STRN3: variants seen among roughly 807,000 people sequenced by gnomAD.
The protein encoded by STRN3 is striatin-3.
Under a neutral mutation model 95.6 loss-of-function variants are expected in STRN3, and 29 were observed. The observed-to-expected ratio is 0.30, with a 90% confidence interval of 0.23 to 0.41. The LOEUF is 0.41. Ranked by LOEUF, STRN3 falls within the 10% of genes least tolerant of loss-of-function variation. STRN3 has a pLI of 1.00. For missense variants in STRN3, 890 were observed against 972.1 expected (o/e 0.92, Z 1.12); for synonymous variants, 331 against 357.6 (o/e 0.93, Z 0.84).
At chr14:30,911,447 G>T (rs533555181) in intron 12 of STRN3, among the ~76,000 whole-genome samples, 1 of 151,746 alleles carries the variant, frequency 6.6e-6, no homozygotes, top group African/African-American at 2.4e-5. Flanking sequence ...GACTACAAGC[G>T]CACGCCAACA....
intron 16 of STRN3, among the ~76,000 whole-genome samples, chr14:30,898,978 A>C (rs920616979): frequency 3.3e-5 from 5 of 152,238 alleles, no homozygotes; most frequent in African/African-American, 1.2e-4. Context: ...CCTCATGTGT[A>C]AAATGGGGAT....
At chr14:30,911,451 G>A (rs1415487798) in intron 12 of STRN3, among the ~76,000 whole-genome samples, 3 of 151,830 alleles carry the variant, frequency 2.0e-5, no homozygotes, top group South Asian at 2.1e-4. Flanking sequence ...ACAAGCGCAC[G>A]CCAACATGCC....
At chr14:30,906,837 A>G in intron 14 of STRN3, 40 bp downstream of exon 14, 1 of 1,581,244 alleles carries the variant, frequency 6.3e-7, no homozygotes, top group Non-Finnish European at 8.6e-7. Flanking sequence ...CCAATTTTTT[A>G]AAAAAACTAA....
At chr14:31,023,082 T>C (rs1184655128) in intron 1 of STRN3, among the ~76,000 whole-genome samples, 1 of 152,192 alleles carries the variant, frequency 6.6e-6, no homozygotes, top group Non-Finnish European at 1.5e-5. Flanking sequence ...ATGAATCTAC[T>C]ATGAAATTAC....
At chr14:30,943,922 C>T (rs1007864790) in intron 5 of STRN3, among the ~76,000 whole-genome samples, 9 of 152,006 alleles carry the variant, frequency 5.9e-5, no homozygotes, top group African/African-American at 1.7e-4. Flanking sequence ...TGTTTCCAGT[C>T]ATACCAGATG....
chr14:30,896,380 C>T (rs899578736), intron 16 of STRN3, among the ~76,000 whole-genome samples: 1 of 152,128 alleles, frequency 6.6e-6, no homozygotes, highest in Non-Finnish European at 1.5e-5. Flanking sequence ...CCTGTAGTTC[C>T]AAGCTACTCA....
chr14:30,938,442 T>A (rs550703263), intron 5 of STRN3, among the ~76,000 whole-genome samples: 107 of 152,320 alleles, frequency 7.0e-4, no homozygotes, highest in Non-Finnish European at 1.3e-3. Context: ...GAATTTTTTT[T>A]AAAGATATAT....
At chr14:30,899,446 T>G (rs1042830214) in intron 16 of STRN3, among the ~76,000 whole-genome samples, 5 of 152,234 alleles carry the variant, frequency 3.3e-5, no homozygotes, top group African/African-American at 1.2e-4. Context: ...AAACCAATTT[T>G]GCAAGCCCTG....
intron 8 of STRN3, among the ~76,000 whole-genome samples, chr14:30,927,620 T>A (rs1216974207): frequency 1.4e-5 from 2 of 146,726 alleles, no homozygotes; most frequent in Admixed American, 6.8e-5. Context: ...TTTATTTCTT[T>A]AAAAAAAAAA....
intron 1 of STRN3, among the ~76,000 whole-genome samples, chr14:30,998,246 T>C (rs986642348): frequency 3.3e-5 from 5 of 152,182 alleles, no homozygotes; most frequent in Non-Finnish European, 7.3e-5. Context: ...TAAACAGGTG[T>C]CTCCATGGGC....
At chr14:31,018,181 G>C (rs893684362) in intron 1 of STRN3, among the ~76,000 whole-genome samples, 10 of 150,540 alleles carry the variant, frequency 6.6e-5, no homozygotes, top group African/African-American at 2.5e-4. Flanking sequence ...CATGGGTAAA[G>C]AGTCTCTGTA....
At chr14:30,996,359 T>C (rs1465302479) in intron 1 of STRN3, among the ~76,000 whole-genome samples, 2 of 152,138 alleles carry the variant, frequency 1.3e-5, no homozygotes, top group African/African-American at 2.4e-5. Context: ...TGGTGGTAAA[T>C]TGGGTAGTTT....
intron 8 of STRN3, among the ~76,000 whole-genome samples, chr14:30,922,601 C>T (rs566166795): frequency 1.3e-5 from 2 of 152,200 alleles, no homozygotes; most frequent in South Asian, 4.2e-4. Context: ...ATGAGCCCTC[C>T]CTTTGTTGAT....
intron 1 of STRN3, among the ~76,000 whole-genome samples, chr14:30,963,966 A>ATT (rs1442244724): frequency 6.6e-6 from 1 of 152,170 alleles, no homozygotes; most frequent in African/African-American, 2.4e-5. Context: ...AAAAACAAGA[A>ATT]AAGAGCCAGG....
chr14:31,002,076 G>A (rs1206496929), intron 1 of STRN3, among the ~76,000 whole-genome samples: 1 of 146,806 alleles, frequency 6.8e-6, no homozygotes, highest in Non-Finnish European at 1.5e-5. Flanking sequence ...TGAGGCAGGA[G>A]AATCGCTTGA....
chr14:30,911,053 A>T lies in STRN3; in HGVS notation c.1708T>A (p.Tyr570Asn), dbSNP rs1411818179. ...TCATTTTACTTACCATATGTATCAT[A>T]TGGATCTACACTGGGACTCGGCATA... The part of the protein sequence containing the change: ...WNMPSPSVDP[Y>N]DTYEPNVLAG... Residue 570 changes from tyrosine (Y) to asparagine (N), a missense_variant, in exon 13 of 18, where the codon TAT becomes AAT. Coordinates refer to ENST00000357479, the MANE Select transcript of STRN3 (RefSeq NM_001083893.2). 2 of 1,608,668 alleles carry T rather than the reference A, an allele frequency of 1.2e-6. No individual in the cohort carries two copies. The highest frequency in any genetic ancestry group is 3.4e-5 in the Admixed American group (2 of 59,460).
intron 15 of STRN3, among the ~76,000 whole-genome samples, chr14:30,904,115 C>A (rs1166456777): frequency 4.6e-5 from 7 of 152,214 alleles, no homozygotes; most frequent in African/African-American, 1.4e-4. Context: ...AGTACCCCAA[C>A]TGTAGTCTCT....
At position 31,026,266 on chromosome 14, in the gene STRN3, C is replaced by G; in HGVS notation, c.-81G>C. The G allele has an allele frequency of 7.6e-7, 1 of 1,318,066 alleles. No homozygotes were observed. Among genetic ancestry groups the G allele is most frequent in the Non-Finnish European group, 9.7e-7 (1 of 1,033,644 alleles). 81.6% of individuals were successfully genotyped at this position (1,318,066 alleles called of 1,614,324 possible). A position where few individuals can be genotyped will look rare whatever the true frequency, so the allele number is the denominator to read the frequency against. ...GCCGGAGAGGGTGGCCCCGCGCTGG[C>G]TGCGGGGCGGAGGCCGGCCGGGAGA... On this transcript the variant is annotated 5_prime_UTR_variant, in exon 1 of 18. Transcript: ENST00000357479.
intron 16 of STRN3, among the ~76,000 whole-genome samples, chr14:30,896,139 C>G (rs1360368602): frequency 6.6e-6 from 1 of 152,156 alleles, no homozygotes; most frequent in Non-Finnish European, 1.5e-5. Flanking sequence ...TGTCTGGCTT[C>G]TTTCACTTAA....
Sources: gnomAD v4.1 joint callset for allele counts (sites outside exome capture counted in the v4.1 genomes callset) on GRCh38, gnomAD v4.1.1 for gene constraint, MANE v1.5 for transcripts, NCBI Gene and HGNC (gene_info 2026-07-23, HGNC 2026-07-21) for gene names.